STT3A: variants seen among roughly 807,000 people sequenced by gnomAD.
STT3A encodes the protein dolichyl-diphosphooligosaccharide--protein glycosyltransferase subunit STT3A.
In STT3A, 34 loss-of-function variants were observed where a neutral mutation model predicts 89.2. The observed-to-expected ratio is 0.38, with a 90% CI of 0.29 to 0.51. The LOEUF (loss-of-function observed/expected upper bound fraction) is 0.51. STT3A is among the 20% of genes least tolerant of loss of function. The pLI, the probability that STT3A is intolerant of heterozygous loss-of-function variation, is 0.89. For synonymous variants in STT3A, 282 were observed against 310.3 expected (o/e 0.91, Z 0.96); for missense variants, 555 against 889.5 (o/e 0.62, Z 4.78).
intron 17 of STT3A, among the ~76,000 whole-genome samples, chr11:125,620,399 G>A (rs570582797): frequency 2.6e-5 from 4 of 152,294 alleles, no homozygotes; most frequent in South Asian, 2.1e-4. Flanking sequence ...TCAGGCTCAC[G>A]GGTGGGGAGA....
chr11:125,605,446 A>G (rs1161576359), intron 6 of STT3A, among the ~76,000 whole-genome samples, 183 bp from the exon 7 acceptor site: 2 of 152,230 alleles, frequency 1.3e-5, no homozygotes, highest in Admixed American at 1.3e-4. Context: ...TTTTCAGAAC[A>G]CTTTTATGAA....
At chr11:125,610,002 T>G (rs540323069) in intron 10 of STT3A, 1 of 157,592 alleles carries the variant, frequency 6.3e-6, no homozygotes, top group East Asian at 1.9e-4. Flanking sequence ...AATCCAGATG[T>G]GTTTTAGAAT....
chr11:125,616,718 C>T (rs1328305749), intron 15 of STT3A, among the ~76,000 whole-genome samples: 3 of 152,128 alleles, frequency 2.0e-5, no homozygotes, highest in South Asian at 2.1e-4. Flanking sequence ...CACTTTGTCA[C>T]CCAGGCTGGA....
At chr11:125,594,582 CAA>C (rs34558992) in intron 1 of STT3A, among the ~76,000 whole-genome samples, 13 of 92,338 alleles carry the variant, frequency 1.4e-4, no homozygotes, top group African/African-American at 4.7e-4. Context: ...GACTCCGTCT[CAA>C]AAAAAAAAAA....
rs754405544 is a variant in STT3A, at chr11:125,620,008, T to C, written c.1964-3T>C. The C allele has an allele frequency of 1.9e-6, 3 of 1,613,526 alleles. No individual in the cohort carries two copies. In the Admixed American group the frequency reaches 5.0e-5, roughly 27 times the overall value. The stretch of plus-strand genomic sequence containing the variant: ...AAGTGTGTTCTTTTTCATCCCTCTC[T>C]AGAGCGTCCTCCAGGCTTTGACCGT... On this transcript the variant is annotated splice_polypyrimidine_tract_variant and splice_region_variant and intron_variant, in intron 16 of 17. Transcript: ENST00000392708.
Position 125,611,464 on chromosome 11 carries a change from C to G in STT3A, c.1154C>G (p.Ala385Gly), listed in dbSNP as rs1198137462. Reference protein sequence around the residue: ...LYYCFSNLSDARIFIIMYGVT... With the variant: ...LYYCFSNLSDGRIFIIMYGVT... ...TACTGCTTTAGCAACCTGTCTGATGCCCGGATTTTTATCATCATGTATGGT... is the reference window on the plus strand; with the variant it reads ...TACTGCTTTAGCAACCTGTCTGATGGCCGGATTTTTATCATCATGTATGGT... The change falls in exon 11 of 18, where the codon GCC (alanine) becomes GGC (glycine). Residue 385 changes from alanine to glycine, a missense_variant. Physicochemically the swap from Ala to Gly is moderately conservative, Grantham distance 60. Transcript: ENST00000392708. 6.2e-7 allele frequency: 1 copy of G among 1,613,992 alleles called. No homozygotes were observed. Among genetic ancestry groups the G allele is most frequent in the Admixed American group, 1.7e-5 (1 of 60,026 alleles).
intron 9 of STT3A, among the ~76,000 whole-genome samples, chr11:125,608,817 A>G (rs55644834): frequency 0.28 from 42,771 of 152,132 alleles, 6,215 homozygotes; most frequent in East Asian, 0.41. Context: ...AGCAGAAAAT[A>G]TCTTGTTGGA....
At chr11:125,604,534 G>A (rs1939779648) in intron 6 of STT3A, among the ~76,000 whole-genome samples, 1 of 152,164 alleles carries the variant, frequency 6.6e-6, no homozygotes, top group Non-Finnish European at 1.5e-5. Context: ...CATAAAGGGA[G>A]TGGATGTCCT....
rs1940364287 is a variant in STT3A, at chr11:125,622,073, G to A, written c.*1263G>A. 1 of 152,150 alleles carries A rather than the reference G, an allele frequency of 6.6e-6. No homozygotes were observed. Among genetic ancestry groups the A allele is most frequent in the Non-Finnish European group, 1.5e-5 (1 of 68,022 alleles). The allele number at this position is 152,150 out of a possible 1,614,324, so 9.4% of individuals were successfully genotyped here. A position where few individuals can be genotyped will look rare whatever the true frequency, so the allele number is the denominator to read the frequency against. On this transcript the variant is annotated 3_prime_UTR_variant, in exon 18 of 18. Coordinates refer to ENST00000392708, the MANE Select transcript of STT3A (RefSeq NM_152713.5). Reference sequence around the variant, plus strand: ...ACTGGGAAGCACAGTGGTCCTTGAGGACATTTAATATCAGGACAAAGAGCC... The same window carrying A: ...ACTGGGAAGCACAGTGGTCCTTGAGAACATTTAATATCAGGACAAAGAGCC...
At chr11:125,603,764 C>A (rs1433210285) in intron 5 of STT3A, among the ~76,000 whole-genome samples, 1 of 152,128 alleles carries the variant, frequency 6.6e-6, no homozygotes, top group South Asian at 2.1e-4. Flanking sequence ...TAATTTTCTT[C>A]CTTTGATTGT....
At chr11:125,616,936 C>G (rs540624) in intron 15 of STT3A, among the ~76,000 whole-genome samples, 5,749 of 152,222 alleles carry the variant, frequency 0.038, 132 homozygotes, top group Middle Eastern at 0.044. Flanking sequence ...TCTCAGCCTC[C>G]CAAAATGCTA....
At chr11:125,609,939 C>T in intron 10 of STT3A, 1 of 209,128 alleles carries the variant, frequency 4.8e-6, no homozygotes, top group East Asian at 1.2e-4. Context: ...TATTGAAGTC[C>T]CATAATGAGT....
intron 15 of STT3A, among the ~76,000 whole-genome samples, chr11:125,615,818 CTTGA>C (rs1214463648): frequency 6.6e-6 from 1 of 152,150 alleles, no homozygotes; most frequent in East Asian, 1.9e-4. Context: ...TGGGAAGACT[CTTGA>C]GGTCAGGAGT....
At chr11:125,596,229 C>G (rs1227031481) in intron 2 of STT3A, among the ~76,000 whole-genome samples, 1 of 152,146 alleles carries the variant, frequency 6.6e-6, no homozygotes, top group Non-Finnish European at 1.5e-5. Context: ...CTTTGGGAGG[C>G]TGGGGTGGGT....
At chr11:125,610,057 C>CTTTTTTT (rs66578574) in intron 10 of STT3A, among the ~76,000 whole-genome samples, 3 of 106,078 alleles carry the variant, frequency 2.8e-5, no homozygotes, top group African/African-American at 3.4e-5. Flanking sequence ...TAACTTTTAC[C>CTTTTTTT]TTTTTTTTTT....
chr11:125,597,983 G>A (rs1456898523), intron 3 of STT3A, among the ~76,000 whole-genome samples: 1 of 152,206 alleles, frequency 6.6e-6, no homozygotes, highest in African/African-American at 2.4e-5. Context: ...GGAGGCCAAG[G>A]CGGGCAGATC....
In STT3A at chr11:125,608,024, G is replaced by C; in HGVS notation, c.781-85G>C. The C allele has an allele frequency of 2.1e-6, 3 of 1,406,082 alleles. 1 individual carries two copies. Among genetic ancestry groups the C allele is most frequent in the Middle Eastern group, 5.2e-4 (2 of 3,810 alleles). The allele number at this position is 1,406,082 out of a possible 1,614,324, so 87.1% of individuals were successfully genotyped here. On this transcript the variant is annotated intron_variant, in intron 8 of 17. Transcript: ENST00000392708. Reference sequence around the variant, plus strand: ...CAGAACTCATTTGACCATTTGGTTTGAACTAGATAAGAATAATGCAGGCCT... The same window carrying C: ...CAGAACTCATTTGACCATTTGGTTTCAACTAGATAAGAATAATGCAGGCCT...
intron 16 of STT3A, 138 bp downstream of exon 16, chr11:125,618,699 A>G (rs1231929055): frequency 7.7e-6 from 6 of 781,046 alleles, no homozygotes; most frequent in African/African-American, 5.5e-5. Flanking sequence ...CCAAAGGCAT[A>G]TACTGATATT....
chr11:125,601,987 T>C (rs1775954674), intron 3 of STT3A, among the ~76,000 whole-genome samples: 1 of 151,872 alleles, frequency 6.6e-6, no homozygotes, highest in Admixed American at 6.6e-5. Context: ...TTAGTAGAGA[T>C]GGGGTTTCAA....
Sources: allele counts gnomAD v4.1 joint callset (sites outside exome capture counted in the v4.1 genomes callset), GRCh38; gene constraint gnomAD v4.1.1; transcripts MANE v1.5; gene names NCBI Gene and HGNC (gene_info 2026-07-23, HGNC 2026-07-21).